The following PLA2G7 variants were observed in gnomAD, a reference collection of about 807,000 sequenced individuals.
PLA2G7 encodes the protein platelet-activating factor acetylhydrolase.
Under a neutral mutation model 49.6 loss-of-function variants are expected in PLA2G7, and 63 were observed. That is an observed-to-expected ratio of 1.27 (90% CI 1.04 to 1.57). The LOEUF is 1.57. Among genes scored for constraint, PLA2G7 ranks in the 40% most tolerant of loss-of-function variants. The pLI is 0.00. For missense variants in PLA2G7, 596 were observed against 521.2 expected, an observed-to-expected ratio of 1.14 and a Z score of -1.40; for synonymous variants, 193 against 169.9, an observed-to-expected ratio of 1.14 and a Z score of -1.06.
At chr6:46,716,892 G>A (rs1765220368) in intron 3 of PLA2G7, 83 bp downstream of exon 3, 2 of 1,391,862 alleles carry the variant, frequency 1.4e-6, no homozygotes, top group Non-Finnish European at 2.0e-6. Flanking sequence ...TGAGGGCAAG[G>A]TCACATTTGA....
At chr6:46,714,916 G>T (rs188241243) in intron 4 of PLA2G7, among the ~76,000 whole-genome samples, 7 of 151,888 alleles carry the variant, frequency 4.6e-5, no homozygotes, top group Admixed American at 4.6e-4. Context: ...TATATTTTTA[G>T]TAGAGATGGG....
At chr6:46,725,022 C>A (rs1489294434) in intron 1 of PLA2G7, among the ~76,000 whole-genome samples, 1 of 152,106 alleles carries the variant, frequency 6.6e-6, no homozygotes, top group Non-Finnish European at 1.5e-5. Flanking sequence ...GTTTCAGAGA[C>A]AAGACTAGCA....
In PLA2G7 at chr6:46,717,717, T is replaced by C. The variant is rs1278849350; in HGVS notation, c.110-621A>G. Among the ~76,000 whole-genome samples the C allele has an allele frequency of 3.8e-4, 33 of 86,048 alleles. No individual in the cohort carries two copies. The East Asian group carries it at 5.0e-3, about 13-fold the overall frequency. 56.5% of individuals were successfully genotyped at this position (86,048 alleles called of 152,430 possible). On this transcript the variant is annotated intron_variant, in intron 2 of 11. Transcript: ENST00000274793. ...TATTTTCTTTCTTTTTTCTTTTTCT[T>C]TTTTTTTTTTTTTGAGACAGAGTCT...
intron 1 of PLA2G7, among the ~76,000 whole-genome samples, chr6:46,733,119 C>G (rs1206848473): frequency 6.6e-6 from 1 of 152,204 alleles, no homozygotes; most frequent in Non-Finnish European, 1.5e-5. Flanking sequence ...GGCTCCCACT[C>G]CAGCTGCTCA....
rs200062469 is a variant in PLA2G7 at position 46,709,405 on chromosome 6, C to G, written c.791G>C (p.Arg264Thr). The G allele has an allele frequency of 1.9e-6, 3 of 1,588,864 alleles. No homozygotes were observed. Among genetic ancestry groups the G allele is most frequent in the Non-Finnish European group, 2.6e-6 (3 of 1,157,702 alleles). ...ATGTCCAATTACTGCTATTTTTTCCCTATCAATAGAGTCCTATTTGAAAAA... is the reference window on the plus strand; with the variant it reads ...ATGTCCAATTACTGCTATTTTTTCCGTATCAATAGAGTCCTATTTGAAAAA... The part of the protein sequence containing the change: ...DMEQLKDSID[R>T]EKIAVIGHSF... Residue 264 changes from arginine (R) to threonine (T), a missense_variant, in exon 9 of 12, where the codon AGG (arginine) becomes ACG (threonine). Transcript: ENST00000274793.
At chr6:46,735,409 C>G (rs1290181200), upstream of PLA2G7, 1 of 152,486 alleles carries the variant, frequency 6.6e-6, no homozygotes, top group Admixed American at 6.5e-5. Context: ...CTTGTGGCCC[C>G]GACCCTCTCC....
chr6:46,727,397 G>A (rs1765607860), intron 1 of PLA2G7, among the ~76,000 whole-genome samples: 1 of 152,194 alleles, frequency 6.6e-6, no homozygotes, highest in Non-Finnish European at 1.5e-5. Flanking sequence ...ATTAGGGCAG[G>A]TGGGCCTTAG....
Position 46,708,081 on chromosome 6 carries a change from A to T in PLA2G7, c.950T>A (p.Ile317Asn), listed in dbSNP as rs201842579. 9.2e-5 allele frequency: 148 copies of T among 1,607,582 alleles called. 1 individual carries two copies. The East Asian group carries it at 2.8e-3, about 31-fold the overall frequency. ...AGGATATTGGAAATATTCAGAGTTGATAAAAAAGAGGGGCTGAGGAATTCT... is the reference window on the plus strand; with the variant it reads ...AGGATATTGGAAATATTCAGAGTTGTTAAAAAAGAGGGGCTGAGGAATTCT... The part of the protein sequence containing the change: ...YSRIPQPLFF[I>N]NSEYFQYPAN... The change falls in exon 10 of 12, where the codon ATC becomes AAC. Residue 317 changes from isoleucine (I) to asparagine (N), a missense_variant. By Grantham distance (149) the Ile-to-Asn change is moderately radical. Coordinates refer to ENST00000274793, the MANE Select transcript of PLA2G7 (RefSeq NM_005084.4).
chr6:46,710,644 T>C lies in PLA2G7; in HGVS notation c.678A>G (p.Ala226=), dbSNP rs910324677. 1 of 1,611,514 alleles carries C rather than the reference T, an allele frequency of 6.2e-7. No homozygotes were observed. The highest frequency in any genetic ancestry group is 8.5e-7 in the Non-Finnish European group (1 of 1,177,654). ...HIRNEQVRQR[A]KECSQALSLI... Reference sequence around the variant, plus strand: ...GACTGAGAGCTTGGGAACATTCTTTTGCTCTTTGCCGTACCTAATATAATT... The same window carrying C: ...GACTGAGAGCTTGGGAACATTCTTTCGCTCTTTGCCGTACCTAATATAATT... The change falls in exon 8 of 12, where the codon GCA becomes GCG. Residue 226 remains alanine (A), a synonymous_variant. Coordinates refer to ENST00000274793, the MANE Select transcript of PLA2G7 (RefSeq NM_005084.4).
At chr6:46,718,702 A>G (rs1765294347) in intron 2 of PLA2G7, among the ~76,000 whole-genome samples, 1 of 152,200 alleles carries the variant, frequency 6.6e-6, no homozygotes, top group African/African-American at 2.4e-5. Flanking sequence ...GATTTCCCAG[A>G]CAGACTTAAT....
chr6:46,716,384 C>CA lies in PLA2G7; in HGVS notation c.375dup (p.Gly126TrpfsTer17). 6.2e-7 allele frequency: 1 copy of CA among 1,613,946 alleles called. No homozygotes were observed. Among genetic ancestry groups the CA allele is most frequent in the Non-Finnish European group, 8.5e-7 (1 of 1,179,910 alleles). On this transcript the variant is annotated frameshift_variant and splice_region_variant, in exon 4 of 12. Transcript: ENST00000274793. LOFTEE classifies it high-confidence loss of function. The stretch of plus-strand genomic sequence containing the variant: ...AAAGAAGGATCAACAGAAATCTTAC[C>CA]AAAGAGTAACCTCAAAATGTTGCCC...
intron 7 of PLA2G7, 64 bp downstream of exon 7, chr6:46,711,432 C>A: frequency 6.3e-7 from 1 of 1,584,312 alleles, no homozygotes; most frequent in South Asian, 1.1e-5. Context: ...ATTAAATTAA[C>A]AAATGTCATC....
rs45579038 is a variant in PLA2G7 at position 46,728,869 on chromosome 6, T to C, written c.-34-5944A>G. On this transcript the variant is annotated intron_variant, in intron 1 of 11. Coordinates refer to ENST00000274793, the MANE Select transcript of PLA2G7 (RefSeq NM_005084.4). ...ACCTGTATCAGAGTAATAAAGTGGT[T>C]TAGAAATTTAGCTCCAGTTTCTGGC... Among the ~76,000 whole-genome samples the C allele has an allele frequency of 1.8e-3, 267 of 152,292 alleles. 1 individual carries two copies. Among genetic ancestry groups the C allele is most frequent in the African/African-American group, 6.0e-3 (250 of 41,560 alleles).
In PLA2G7 at chr6:46,704,441, TTCTCTCTC is replaced by T. The variant is rs368946627; in HGVS notation, c.*111_*118del. The T allele has an allele frequency of 1.1e-3, 595 of 552,564 alleles. 6 individuals carry two copies. Among genetic ancestry groups the T allele is most frequent in the East Asian group, 4.1e-3 (126 of 30,656 alleles). 34.2% of individuals were successfully genotyped at this position (552,564 alleles called of 1,614,324 possible). ...AGTCCTTTGGGAAAATACATTAAAA[TTCTCTCTC>T]TCTCTCTCTCTCTCTCTCTCTCTCT... is the stretch of plus-strand genomic sequence containing the variant. On this transcript the variant is annotated 3_prime_UTR_variant, in exon 12 of 12. Coordinates refer to ENST00000274793, the MANE Select transcript of PLA2G7 (RefSeq NM_005084.4).
At chr6:46,714,689 A>G (rs1765141833) in intron 4 of PLA2G7, 136 bp from the exon 5 acceptor site, 2 of 683,422 alleles carry the variant, frequency 2.9e-6, no homozygotes, top group Admixed American at 4.5e-5. Context: ...TAGATTCATT[A>G]AAAAGACTGC....
chr6:46,729,513 T>C (rs986167855), intron 1 of PLA2G7, among the ~76,000 whole-genome samples: 3 of 152,234 alleles, frequency 2.0e-5, no homozygotes, highest in Non-Finnish European at 4.4e-5. Context: ...AAGCATTTCA[T>C]ATAAATGAAC....
intron 1 of PLA2G7, among the ~76,000 whole-genome samples, chr6:46,724,985 C>A (rs906141461): frequency 6.6e-6 from 1 of 152,180 alleles, no homozygotes; most frequent in Admixed American, 6.5e-5. Flanking sequence ...TTGACACAAT[C>A]CCTACTCTCA....
chr6:46,733,899 T>C (rs1470324013), intron 1 of PLA2G7, among the ~76,000 whole-genome samples: 1 of 152,202 alleles, frequency 6.6e-6, no homozygotes, highest in East Asian at 1.9e-4. Flanking sequence ...AGCATTCTCA[T>C]TTGGATCAAA....
chr6:46,708,734 T>C (rs1484574013), intron 9 of PLA2G7, among the ~76,000 whole-genome samples: 1 of 152,174 alleles, frequency 6.6e-6, no homozygotes, highest in Non-Finnish European at 1.5e-5. Flanking sequence ...AGAAGAGAAT[T>C]CTTACACTGA....
Sources: allele counts gnomAD v4.1 joint callset (sites outside exome capture counted in the v4.1 genomes callset), GRCh38; gene constraint gnomAD v4.1.1; transcripts MANE v1.5; gene names NCBI Gene and HGNC (gene_info 2026-07-23, HGNC 2026-07-21).